The following TBC1D22A variants were observed in gnomAD, a reference collection of about 807,000 sequenced individuals.
The protein encoded by TBC1D22A is putative GTPase activator.
Under a neutral mutation model 60.2 loss-of-function variants are expected in TBC1D22A, and 38 were observed. The ratio of observed to expected loss-of-function variants is 0.63; its 90% CI spans 0.49 to 0.83. The LOEUF (loss-of-function observed/expected upper bound fraction) is 0.83, where lower values mean the gene tolerates loss of function less well. Ranked by LOEUF, TBC1D22A falls within the 40% of genes least tolerant of loss-of-function variation. The pLI is 0.00. For missense variants in TBC1D22A, 628 were observed against 701.0 expected (o/e 0.90, Z 1.18); for synonymous variants, 302 against 281.7 (o/e 1.07, Z -0.72).
At chr22:47,103,408 C>T (rs1382372450) in intron 11 of TBC1D22A, among the ~76,000 whole-genome samples, 1 of 152,130 alleles carries the variant, frequency 6.6e-6, no homozygotes, top group African/African-American at 2.4e-5. Flanking sequence ...GGGAACAAAC[C>T]CAGGAGCATT....
intron 10 of TBC1D22A, among the ~76,000 whole-genome samples, chr22:47,003,894 C>G (rs1602940266): frequency 6.8e-6 from 1 of 146,960 alleles, no homozygotes; most frequent in Non-Finnish European, 1.5e-5. Flanking sequence ...ACACACCCTA[C>G]ACACGCATGC....
chr22:47,015,897 T>G (rs532192458), intron 10 of TBC1D22A, among the ~76,000 whole-genome samples: 63 of 152,190 alleles, frequency 4.1e-4, no homozygotes, highest in Non-Finnish European at 7.4e-4. Context: ...CATCTGTCTC[T>G]TCCTCTTTAA....
At chr22:46,937,430 C>T (rs550234446) in intron 8 of TBC1D22A, among the ~76,000 whole-genome samples, 4 of 152,300 alleles carry the variant, frequency 2.6e-5, no homozygotes, top group South Asian at 2.1e-4. Flanking sequence ...GCATTAACCA[C>T]GTGTTTGTGC....
In TBC1D22A at chr22:47,174,615, C is replaced by T. The variant is rs747345636; in HGVS notation, c.*989C>T. ...AGGTGTGACTGGTTCCATCATGGACCGGTTCCTCCATGGACCGGTTCCTCC... is the reference window on the plus strand; with the variant it reads ...AGGTGTGACTGGTTCCATCATGGACTGGTTCCTCCATGGACCGGTTCCTCC... On this transcript the variant is annotated 3_prime_UTR_variant, in exon 13 of 13. Transcript: ENST00000337137. The T allele has an allele frequency of 1.1e-4, 1 of 9,220 alleles. No homozygotes were observed. The highest frequency in any genetic ancestry group is 2.4e-4 in the African/African-American group (1 of 4,102). The allele number at this position is 9,220 out of a possible 1,614,324, so 0.6% of individuals were successfully genotyped here. A position where few individuals can be genotyped will look rare whatever the true frequency, so the allele number is the denominator to read the frequency against.
chr22:47,039,196 T>C (rs2148403644), intron 11 of TBC1D22A, among the ~76,000 whole-genome samples: 1 of 152,286 alleles, frequency 6.6e-6, no homozygotes, highest in East Asian at 1.9e-4. Flanking sequence ...CTTTATTGAG[T>C]TAATTTTCTT....
chr22:46,785,030 A>G (rs1206495369), intron 1 of TBC1D22A, among the ~76,000 whole-genome samples: 3 of 152,250 alleles, frequency 2.0e-5, no homozygotes. Context: ...GGAAAAGGAC[A>G]TGACAGATAG....
At chr22:47,145,228 G>A (rs958916509) in intron 12 of TBC1D22A, among the ~76,000 whole-genome samples, 6 of 152,212 alleles carry the variant, frequency 3.9e-5, no homozygotes, top group Non-Finnish European at 8.8e-5. Flanking sequence ...AGGTGGATTG[G>A]GAAGGTGCTG....
intron 10 of TBC1D22A, among the ~76,000 whole-genome samples, chr22:47,015,578 C>T (rs2061882926): frequency 6.6e-6 from 1 of 152,240 alleles, no homozygotes; most frequent in Admixed American, 6.5e-5. Flanking sequence ...GGAATTGTTT[C>T]TTGTCTTGCG....
chr22:47,144,544 G>T (rs773004655), intron 12 of TBC1D22A, among the ~76,000 whole-genome samples: 1 of 152,236 alleles, frequency 6.6e-6, no homozygotes, highest in Non-Finnish European at 1.5e-5. Flanking sequence ...TCTGCCTGGC[G>T]TGCACACAGT....
chr22:47,101,737 C>G (rs775488711), intron 11 of TBC1D22A, among the ~76,000 whole-genome samples: 8 of 152,098 alleles, frequency 5.3e-5, no homozygotes, highest in Non-Finnish European at 8.8e-5. Context: ...GTGGGGGCAC[C>G]GAGTTAGGTG....
At chr22:46,805,946 A>G (rs991446525) in intron 4 of TBC1D22A, among the ~76,000 whole-genome samples, 3 of 151,764 alleles carry the variant, frequency 2.0e-5, no homozygotes, top group Non-Finnish European at 4.4e-5. Context: ...TCCGCCTCCC[A>G]GGTTCAAGTG....
intron 8 of TBC1D22A, among the ~76,000 whole-genome samples, chr22:46,945,022 A>C (rs2072443339): frequency 1.3e-5 from 2 of 152,234 alleles, no homozygotes; most frequent in Admixed American, 1.3e-4. Context: ...AATAAGAGGC[A>C]ACCACTTCAA....
intron 1 of TBC1D22A, chr22:46,774,222 T>C: frequency 4.1e-6 from 4 of 985,582 alleles, no homozygotes; most frequent in Non-Finnish European, 4.8e-6. Context: ...CAGCAGAGAT[T>C]CTTCTGGAGT....
At chr22:47,074,224 C>T (rs1045503528) in intron 11 of TBC1D22A, among the ~76,000 whole-genome samples, 27 of 152,246 alleles carry the variant, frequency 1.8e-4, no homozygotes, top group African/African-American at 6.0e-4. Context: ...TCCGGAGCGC[C>T]TCCCAGGCTA....
intron 12 of TBC1D22A, among the ~76,000 whole-genome samples, chr22:47,127,925 C>T (rs1485498217): frequency 6.8e-6 from 1 of 146,074 alleles, no homozygotes; most frequent in East Asian, 2.1e-4. Context: ...TTTCCGGCCT[C>T]TCCCACCCAC....
intron 12 of TBC1D22A, among the ~76,000 whole-genome samples, chr22:47,121,905 G>T (rs992771131): frequency 6.6e-6 from 1 of 151,680 alleles, no homozygotes; most frequent in Non-Finnish European, 1.5e-5. Flanking sequence ...CACTGCGCCC[G>T]CCCCTCGGGT....
chr22:46,851,905 G>A (rs926011639), intron 4 of TBC1D22A, among the ~76,000 whole-genome samples: 4 of 152,226 alleles, frequency 2.6e-5, no homozygotes, highest in Non-Finnish European at 5.9e-5. Context: ...GGCACATTAA[G>A]AGGCAGGGGT....
At chr22:46,814,888 A>G (rs1006211265) in intron 4 of TBC1D22A, among the ~76,000 whole-genome samples, 1 of 151,410 alleles carries the variant, frequency 6.6e-6, no homozygotes, top group Non-Finnish European at 1.5e-5. Flanking sequence ...CCCTGACCTC[A>G]GGTGATCCAC....
At chr22:46,864,041 G>A (rs957717525) in intron 4 of TBC1D22A, among the ~76,000 whole-genome samples, 4 of 152,160 alleles carry the variant, frequency 2.6e-5, no homozygotes, top group Admixed American at 6.5e-5. Context: ...ACAGCACATC[G>A]CCTAGTGGAG....
Sources: allele counts gnomAD v4.1 joint callset (sites outside exome capture counted in the v4.1 genomes callset), GRCh38; gene constraint gnomAD v4.1.1; transcripts MANE v1.5; gene names NCBI Gene and HGNC (gene_info 2026-07-23, HGNC 2026-07-21).